Variants in RGS6 observed in about 807,000 individuals in gnomAD.
RGS6 encodes regulator of G-protein signaling 6.
A neutral mutation model predicts 78.5 loss-of-function variants in RGS6; 30 were observed. The ratio of observed to expected loss-of-function variants is 0.38; its 90% CI spans 0.29 to 0.52. The LOEUF (loss-of-function observed/expected upper bound fraction) is 0.52, where lower values mean the gene tolerates loss of function less well. RGS6 is among the 20% of genes least tolerant of loss of function. The pLI, the probability that RGS6 is intolerant of heterozygous loss-of-function variation, is 0.85. For missense variants in RGS6, 495 were observed against 609.7 expected, an observed-to-expected ratio of 0.81 and a Z score of 1.98; for synonymous variants, 206 against 206.0, an observed-to-expected ratio of 1.00 and a Z score of 0.00.
At position 72,336,146 on chromosome 14, in the gene RGS6, A is replaced by T. The variant is rs1366570078; in HGVS notation, c.85-15949A>T. ...TATCTTCTATTTGGGCTACTGAGTC[A>T]CTTATCTCTCAAATTGTGTGTTGTT... On this transcript the variant is annotated intron_variant, in intron 2 of 17. Coordinates refer to ENST00000553525, the MANE Select transcript of RGS6 (RefSeq NM_001204424.2). 5.3e-5 allele frequency among the ~76,000 whole-genome samples: 8 copies of T among 152,182 alleles called. No individual in the cohort carries two copies. In the East Asian group the frequency reaches 1.5e-3, roughly 29 times the overall value.
At chr14:72,159,192 G>A (rs2096818453) in intron 2 of RGS6, among the ~76,000 whole-genome samples, 1 of 152,196 alleles carries the variant, frequency 6.6e-6, no homozygotes, top group Non-Finnish European at 1.5e-5. Context: ...TTTTACAGAT[G>A]AAGAGACTGA....
chr14:72,251,645 A>T (rs966682236), intron 2 of RGS6, among the ~76,000 whole-genome samples: 1 of 152,222 alleles, frequency 6.6e-6, no homozygotes, highest in Non-Finnish European at 1.5e-5. Flanking sequence ...CTTATGAGTG[A>T]GAGCTAAATG....
chr14:72,199,470 T>C (rs540586082), intron 2 of RGS6, among the ~76,000 whole-genome samples: 1 of 152,344 alleles, frequency 6.6e-6, no homozygotes, highest in African/African-American at 2.4e-5. Flanking sequence ...ATCTTTCTTT[T>C]AGAAAGAGTC....
At chr14:71,902,880 G>C in the RGS6 span, among the ~76,000 whole-genome samples, 4 of 152,196 alleles carry the variant, frequency 2.6e-5, no homozygotes, top group African/African-American at 4.8e-5. Context: ...AAATAATGGA[G>C]CCAGTCTGTT....
intron 2 of RGS6, among the ~76,000 whole-genome samples, chr14:72,045,904 C>G (rs554484634): frequency 1.6e-3 from 239 of 152,118 alleles, no homozygotes; most frequent in Middle Eastern, 6.8e-3. Context: ...TGTGTCCCCC[C>G]ACGCCCCCGC....
chr14:72,357,480 A>G (rs926236197), intron 3 of RGS6, among the ~76,000 whole-genome samples: 5 of 152,214 alleles, frequency 3.3e-5, no homozygotes, highest in African/African-American at 9.6e-5. Flanking sequence ...TGATAGTGAT[A>G]TGGACAATAA....
chr14:72,018,752 C>T (rs2087665672), intron 2 of RGS6, among the ~76,000 whole-genome samples: 1 of 152,154 alleles, frequency 6.6e-6, no homozygotes, highest in Non-Finnish European at 1.5e-5. Context: ...TGCCTACTCC[C>T]CCTGGACCAA....
the RGS6 span, among the ~76,000 whole-genome samples, chr14:71,926,585 GAAA>G: frequency 3.5e-4 from 18 of 51,262 alleles, no homozygotes; most frequent in Admixed American, 1.7e-3. Flanking sequence ...CTCTGTCTCA[GAAA>G]AAAAAAAAAA....
At chr14:72,332,283 A>G (rs1458351255) in intron 2 of RGS6, among the ~76,000 whole-genome samples, 1 of 152,210 alleles carries the variant, frequency 6.6e-6, no homozygotes, top group Non-Finnish European at 1.5e-5. Context: ...TTTGCCAAAA[A>G]AGAGCGTTGG....
chr14:72,320,743 AAAC>A (rs2071727130), intron 2 of RGS6, among the ~76,000 whole-genome samples: 1 of 151,534 alleles, frequency 6.6e-6, no homozygotes, highest in African/African-American at 2.4e-5. Context: ...TAGAAAAAAA[AAAC>A]TAAGCTCTGA....
rs1239230834 is a variant in RGS6 at position 72,518,342 on chromosome 14, C to A, written c.1092-9C>A. Reference sequence around the variant, plus strand: ...CCTGGAACTGACTGTGTTTCTGCTCCCACTTCAGGTTCTGGCTGGCTGTCC... The same window carrying A: ...CCTGGAACTGACTGTGTTTCTGCTCACACTTCAGGTTCTGGCTGGCTGTCC... On this transcript the variant is annotated splice_polypyrimidine_tract_variant and intron_variant, in intron 14 of 17. Transcript: ENST00000553525. 1.9e-6 allele frequency: 3 copies of A among 1,611,096 alleles called. No homozygotes were observed. Among genetic ancestry groups the A allele is most frequent in the Non-Finnish European group, 2.5e-6 (3 of 1,177,884 alleles).
chr14:72,203,400 C>A (rs59197123), intron 2 of RGS6, among the ~76,000 whole-genome samples: 1 of 152,080 alleles, frequency 6.6e-6, no homozygotes, highest in Non-Finnish European at 1.5e-5. Flanking sequence ...CAAATTGTCC[C>A]AAATTTAGTG....
chr14:72,094,556 A>T (rs1188750825), intron 2 of RGS6, among the ~76,000 whole-genome samples: 1 of 152,128 alleles, frequency 6.6e-6, no homozygotes, highest in South Asian at 2.1e-4. Flanking sequence ...TCAAGAGTCA[A>T]TTTGTCCTCT....
intron 17 of RGS6, among the ~76,000 whole-genome samples, chr14:72,549,147 A>C (rs1214324132): frequency 6.6e-6 from 1 of 152,192 alleles, no homozygotes; most frequent in African/African-American, 2.4e-5. Context: ...GCCTTGAGGG[A>C]GAAAAAGCCA....
chr14:72,469,952 G>T lies in RGS6; in HGVS notation c.460-55G>T, dbSNP rs373588712. 55 of 1,260,328 alleles carry T rather than the reference G, an allele frequency of 4.4e-5. No individual in the cohort carries two copies. The African/African-American group carries it at 7.8e-4, about 18-fold the overall frequency. 78.1% of individuals were successfully genotyped at this position (1,260,328 alleles called of 1,614,324 possible). A position where few individuals can be genotyped will look rare whatever the true frequency, so the allele number is the denominator to read the frequency against. ...ATGCCTTATAATAAGCATAGGTGTC[G>T]ATGTGCTAATTTACGATGATTAATG... On this transcript the variant is annotated intron_variant, in intron 7 of 17. Transcript: ENST00000553525.
chr14:72,462,057 A>G (rs1361917587), intron 6 of RGS6, among the ~76,000 whole-genome samples: 2 of 152,156 alleles, frequency 1.3e-5, no homozygotes, highest in African/African-American at 4.8e-5. Flanking sequence ...AAGCATGTGA[A>G]ACTGAAGCTA....
At chr14:71,980,917 G>A (rs1457485310) in intron 2 of RGS6, among the ~76,000 whole-genome samples, 2 of 92,408 alleles carry the variant, frequency 2.2e-5, no homozygotes, top group Admixed American at 1.2e-4. Context: ...CGTAGATTTG[G>A]TCTTTTCACA....
At chr14:72,429,914 C>G (rs900620768) in intron 3 of RGS6, among the ~76,000 whole-genome samples, 1 of 152,196 alleles carries the variant, frequency 6.6e-6, no homozygotes, top group Non-Finnish European at 1.5e-5. Context: ...TTACAAAGGG[C>G]TCTTCCCCAC....
At chr14:72,067,875 A>T (rs2094227597) in intron 2 of RGS6, among the ~76,000 whole-genome samples, 1 of 152,080 alleles carries the variant, frequency 6.6e-6, no homozygotes, top group Admixed American at 6.5e-5. Flanking sequence ...CACCATCCAC[A>T]TCCCTTGGGA....
Sources: gnomAD v4.1 joint callset for allele counts (sites outside exome capture counted in the v4.1 genomes callset) on GRCh38, gnomAD v4.1.1 for gene constraint, MANE v1.5 for transcripts, NCBI Gene and HGNC (gene_info 2026-07-23, HGNC 2026-07-21) for gene names.